PSKH1: variants seen among roughly 807,000 people sequenced by gnomAD.
PSKH1 encodes the protein protein serine kinase H1.
In PSKH1, 12 loss-of-function variants were observed where a neutral mutation model predicts 26.7. That is an observed-to-expected ratio of 0.45 (90% CI 0.29 to 0.73). The LOEUF (loss-of-function observed/expected upper bound fraction) is 0.73. Ranked by LOEUF, PSKH1 falls within the 30% of genes least tolerant of loss-of-function variation. The probability of loss-of-function intolerance (pLI) is 0.11; values close to 1 mark genes in which losing one functional copy is unlikely to be tolerated. For missense variants in PSKH1, 431 were observed against 595.2 expected, an observed-to-expected ratio of 0.72 and a Z score of 2.87; for synonymous variants, 213 against 234.3, an observed-to-expected ratio of 0.91 and a Z score of 0.83.
Position 67,893,277 on chromosome 16 carries a change from TGGCGGCGGC to T in PSKH1, c.-146_-138del, listed in dbSNP as rs527336120. 444 of 159,258 alleles carry T rather than the reference TGGCGGCGGC, an allele frequency of 2.8e-3. 1 individual carries two copies. Among genetic ancestry groups the T allele is most frequent in the Admixed American group, 3.4e-3 (52 of 15,200 alleles). 9.9% of individuals were successfully genotyped at this position (159,258 alleles called of 1,614,324 possible). ...ACGCCACGACGCTAACGCCCGAGAATGGCGGCGGCGGCGGCGGCGGCGGCGGCCGCTGCC... is the reference window on the plus strand; with the variant it reads ...ACGCCACGACGCTAACGCCCGAGAATGGCGGCGGCGGCGGCGGCCGCTGCC... On this transcript the variant is annotated 5_prime_UTR_variant, in exon 1 of 3. Coordinates refer to ENST00000291041, the MANE Select transcript of PSKH1 (RefSeq NM_006742.3).
chr16:67,921,517 T>A (rs904035597), intron 2 of PSKH1, among the ~76,000 whole-genome samples: 1 of 151,938 alleles, frequency 6.6e-6, no homozygotes, highest in African/African-American at 2.4e-5. Context: ...GGAGTTGCAG[T>A]TAGCTGAGAT....
intron 1 of PSKH1, among the ~76,000 whole-genome samples, chr16:67,895,597 C>T (rs571663646): frequency 6.6e-6 from 1 of 151,760 alleles, no homozygotes; most frequent in African/African-American, 2.4e-5. Context: ...TTAGTAGAGA[C>T]GGGATTTCAT....
chr16:67,927,650 GGCTGT>G lies in PSKH1; in HGVS notation c.*11_*15del. 6.3e-7 allele frequency: 1 copy of G among 1,594,972 alleles called. No individual in the cohort carries two copies. On this transcript the variant is annotated 3_prime_UTR_variant, in exon 3 of 3. Transcript: ENST00000291041. This position sits in a 1 kb window ranked among gnomAD's most constrained non-coding sequence, Gnocchi z 5.5. ...CAGCAATACAATGGCTGAGCCGCCT[GGCTGT>G]GCACACATGCAGCACGACCCAGCCT...
At chr16:67,895,548 A>G (rs1457615362) in intron 1 of PSKH1, among the ~76,000 whole-genome samples, 1 of 151,878 alleles carries the variant, frequency 6.6e-6, no homozygotes, top group African/African-American at 2.4e-5. Flanking sequence ...AGCTGGGATT[A>G]CAATCACGCA....
In PSKH1 at chr16:67,929,087, T is replaced by C. The variant is rs1312828708; in HGVS notation, c.*1445T>C. On this transcript the variant is annotated 3_prime_UTR_variant, in exon 3 of 3. Coordinates refer to ENST00000291041, the MANE Select transcript of PSKH1 (RefSeq NM_006742.3). ...GAGCCAGAACCATCCCCATTTCTTTTGTGGTATCTCCCCCTACCACAAACC... is the reference window on the plus strand; with the variant it reads ...GAGCCAGAACCATCCCCATTTCTTTCGTGGTATCTCCCCCTACCACAAACC... 6.5e-6 allele frequency: 1 copy of C among 152,700 alleles called. No individual in the cohort carries two copies. Among genetic ancestry groups the C allele is most frequent in the East Asian group, 1.9e-4 (1 of 5,202 alleles). 9.5% of individuals were successfully genotyped at this position (152,700 alleles called of 1,614,324 possible).
At chr16:67,894,921 G>GTTTTTT (rs553685060) in intron 1 of PSKH1, among the ~76,000 whole-genome samples, 1 of 123,086 alleles carries the variant, frequency 8.1e-6, no homozygotes, top group Non-Finnish European at 1.7e-5. Flanking sequence ...GTCTGAGTTA[G>GTTTTTT]TTTTTTTTTT....
Position 67,915,206 on chromosome 16 carries a change from AGAGTGTGTGT to A in PSKH1, c.957+5502_957+5511del, listed in dbSNP as rs1567400602. On this transcript the variant is annotated intron_variant, in intron 2 of 2. Coordinates refer to ENST00000291041, the MANE Select transcript of PSKH1 (RefSeq NM_006742.3). Reference sequence around the variant, plus strand: ...ATGAGTGAGTGAGTGAGAGAGAGAGAGAGTGTGTGTGTGTGTGTGTGTGTGTGTGTGTGTG... The same window carrying A: ...ATGAGTGAGTGAGTGAGAGAGAGAGAGTGTGTGTGTGTGTGTGTGTGTGTG... Among the ~76,000 whole-genome samples the A allele has an allele frequency of 1.5e-3, 210 of 144,742 alleles. 1 individual carries two copies. Among genetic ancestry groups the A allele is most frequent in the African/African-American group, 5.7e-3 (206 of 36,396 alleles). 95.0% of individuals were successfully genotyped at this position (144,742 alleles called of 152,430 possible).
intron 2 of PSKH1, among the ~76,000 whole-genome samples, chr16:67,919,471 G>A (rs1319678019): frequency 6.6e-6 from 1 of 152,244 alleles, no homozygotes; most frequent in African/African-American, 2.4e-5. Flanking sequence ...AGTGCTGGAT[G>A]CTTGTGCTGT....
At chr16:67,895,051 G>T (rs992521110) in intron 1 of PSKH1, among the ~76,000 whole-genome samples, 1 of 151,624 alleles carries the variant, frequency 6.6e-6, no homozygotes. Context: ...AGCCCCCAGA[G>T]TAGCTGGGGT....
intron 1 of PSKH1, among the ~76,000 whole-genome samples, chr16:67,904,707 C>G (rs2058151277): frequency 1.3e-5 from 2 of 152,100 alleles, no homozygotes; most frequent in South Asian, 4.1e-4. Flanking sequence ...GTCTCAAACT[C>G]CTGCACTCAA....
intron 1 of PSKH1, among the ~76,000 whole-genome samples, chr16:67,905,728 A>AG (rs2058154241): frequency 6.6e-6 from 1 of 152,100 alleles, no homozygotes; most frequent in South Asian, 2.1e-4. Context: ...GCGAGGTGGC[A>AG]GGTGCCTGTA....
intron 2 of PSKH1, among the ~76,000 whole-genome samples, chr16:67,926,588 C>T (rs540825469): frequency 8.5e-5 from 13 of 152,204 alleles, no homozygotes; most frequent in African/African-American, 2.9e-4. Flanking sequence ...TGAGGCAGCC[C>T]GGGGTGCATG....
At chr16:67,917,346 T>G (rs1346743035) in intron 2 of PSKH1, among the ~76,000 whole-genome samples, 2 of 152,360 alleles carry the variant, frequency 1.3e-5, no homozygotes, top group East Asian at 3.9e-4. Context: ...TATGTGTGCC[T>G]CAGCACGTTG....
At chr16:67,910,699 C>T (rs139283636) in intron 2 of PSKH1, among the ~76,000 whole-genome samples, 47 of 152,264 alleles carry the variant, frequency 3.1e-4, no homozygotes, top group African/African-American at 1.0e-3. Flanking sequence ...GATGAGGTTT[C>T]GCGACGTTGG....
At chr16:67,920,730 A>G (rs2058199868) in intron 2 of PSKH1, among the ~76,000 whole-genome samples, 1 of 152,140 alleles carries the variant, frequency 6.6e-6, no homozygotes, top group South Asian at 2.1e-4. Context: ...CCCATCACAC[A>G]AGGTTACCCT....
intron 1 of PSKH1, among the ~76,000 whole-genome samples, chr16:67,897,648 C>T (rs561655274): frequency 1.8e-4 from 27 of 152,266 alleles, no homozygotes; most frequent in African/African-American, 6.0e-4. Flanking sequence ...CTGGGTTGAA[C>T]GTTGGGATTT....
chr16:67,900,623 G>A (rs1236967218), intron 1 of PSKH1, among the ~76,000 whole-genome samples: 2 of 152,148 alleles, frequency 1.3e-5, no homozygotes, highest in Non-Finnish European at 2.9e-5. Flanking sequence ...CCGTCTGAGT[G>A]GCTTTGGACG....
intron 2 of PSKH1, among the ~76,000 whole-genome samples, chr16:67,914,422 G>A (rs1452508042): frequency 6.6e-6 from 1 of 151,646 alleles, no homozygotes; most frequent in Non-Finnish European, 1.5e-5. Context: ...CAAAGTGGTG[G>A]GATTACAGGC....
At chr16:67,895,635 T>A (rs2058124344) in intron 1 of PSKH1, among the ~76,000 whole-genome samples, 1 of 152,014 alleles carries the variant, frequency 6.6e-6, no homozygotes. Context: ...TCTTGAACTC[T>A]TGACCTCGTG....
Sources: gnomAD v4.1 joint callset for allele counts (sites outside exome capture counted in the v4.1 genomes callset) on GRCh38, gnomAD v4.1.1 for gene constraint, Gnocchi (gnomAD v3.1) non-coding constraint, MANE v1.5 for transcripts, NCBI Gene and HGNC (gene_info 2026-07-23, HGNC 2026-07-21) for gene names.